Variants in PCNT observed in about 807,000 individuals in gnomAD.
PCNT encodes the protein pericentrin.
Under a neutral mutation model 380.4 loss-of-function variants are expected in PCNT, and 319 were observed. That is an observed-to-expected ratio of 0.84 (90% CI 0.77 to 0.92). The LOEUF is 0.92. PCNT is among the 40% of genes least tolerant of loss of function. The pLI, the probability that PCNT is intolerant of heterozygous loss-of-function variation, is 0.00. For missense variants in PCNT, 4,400 were observed against 4,255.3 expected, an observed-to-expected ratio of 1.03 and a Z score of -0.95; for synonymous variants, 1,845 against 1,735.2, an observed-to-expected ratio of 1.06 and a Z score of -1.57.
intron 37 of PCNT, chr21:46,431,242 G>A (rs897537864): frequency 1.6e-5 from 20 of 1,283,184 alleles, no homozygotes; most frequent in Admixed American, 7.1e-5. Flanking sequence ...GAGAGGGGGC[G>A]GGCAGGGGAC....
At chr21:46,419,429 G>A (rs2087155474) in intron 31 of PCNT, among the ~76,000 whole-genome samples, 1 of 152,210 alleles carries the variant, frequency 6.6e-6, no homozygotes, top group Non-Finnish European at 1.5e-5. Context: ...TCTATTTGCT[G>A]TTTAAAGTGG....
At chr21:46,358,856 G>A (rs571495441) in intron 13 of PCNT, among the ~76,000 whole-genome samples, 3 of 150,096 alleles carry the variant, frequency 2.0e-5, no homozygotes, top group South Asian at 2.1e-4. Flanking sequence ...GCTGGAGCGC[G>A]GTGGCGCAAT....
At chr21:46,351,322 CT>C in intron 8 of PCNT, 106 bp from the exon 9 acceptor site, 1 of 769,304 alleles carries the variant, frequency 1.3e-6, no homozygotes. Flanking sequence ...GGGATGTGAG[CT>C]TTTACCCTTA....
rs113445591 is a variant in PCNT at position 46,418,411 on chromosome 21, C to T, written c.7024+105C>T. 1.2e-4 allele frequency: 90 copies of T among 753,642 alleles called. No individual in the cohort carries two copies. The African/African-American group carries it at 1.2e-3, about 10-fold the overall frequency. The allele number at this position is 753,642 out of a possible 1,614,324, so 46.7% of individuals were successfully genotyped here. On this transcript the variant is annotated intron_variant, in intron 31 of 46. Transcript: ENST00000359568. ...CTTTGCCTGGTTCTGCGTCTGCCCC[C>T]CGCTGACCTCCACCCCGGCTCTGCG...
At chr21:46,432,688 GATCTC>G (rs2087819543) in intron 38 of PCNT, among the ~76,000 whole-genome samples, 1 of 152,192 alleles carries the variant, frequency 6.6e-6, no homozygotes, top group Non-Finnish European at 1.5e-5. Flanking sequence ...GCAGTGATGT[GATCTC>G]AGCTCACTGC....
intron 28 of PCNT, 150 bp from the exon 29 acceptor site, chr21:46,412,687 G>A: frequency 1.2e-6 from 1 of 855,648 alleles, no homozygotes; most frequent in Non-Finnish European, 2.0e-6. Flanking sequence ...GGCCTGCTGT[G>A]GACCAAGGTG....
In PCNT at chr21:46,411,474, G is replaced by A. The variant is rs776464612; in HGVS notation, c.5401G>A (p.Ala1801Thr). Residue 1801 changes from alanine to threonine, a missense_variant, in exon 28 of 47, where the codon GCC (alanine) becomes ACC (threonine). Transcript: ENST00000359568. ...ELEAALEAKE[A>T]LSRLLADQER... ...CGAGGCTGCGCTGGAAGCCAAGGAG[G>A]CCCTGAGCCGGCTGCTGGCTGACCA... 4.3e-6 allele frequency: 7 copies of A among 1,609,658 alleles called. No homozygotes were observed. The African/African-American group carries it at 8.0e-5, about 18-fold the overall frequency.
In PCNT at chr21:46,333,874, G is replaced by T. The variant is rs912015074; in HGVS notation, c.268-523G>T. 2.6e-5 allele frequency among the ~76,000 whole-genome samples: 4 copies of T among 151,154 alleles called. No homozygotes were observed. In the East Asian group the frequency reaches 7.8e-4, roughly 30 times the overall value. ...AAAAGTAGAATTCATTAAGAAGAGG[G>T]GCAGGAACATCATTAGGGAAATTAC... On this transcript the variant is annotated intron_variant, in intron 2 of 46. Coordinates refer to ENST00000359568, the MANE Select transcript of PCNT (RefSeq NM_006031.6).
chr21:46,342,600 G>A (rs2083941613), intron 3 of PCNT, among the ~76,000 whole-genome samples: 1 of 151,332 alleles, frequency 6.6e-6, no homozygotes, highest in Admixed American at 6.6e-5. Flanking sequence ...GAATGCAATG[G>A]CATGATCTCG....
chr21:46,442,938 C>T lies in PCNT; in HGVS notation c.9700+365C>T, dbSNP rs148948150. 8.8e-5 allele frequency: 29 copies of T among 328,662 alleles called. No individual in the cohort carries two copies. The East Asian group carries it at 2.3e-3, about 26-fold the overall frequency. The allele number at this position is 328,662 out of a possible 1,614,324, so 20.4% of individuals were successfully genotyped here. ...ATCATGCTTATTTCTGGCTCACTCA[C>T]ATCTTTGTCTCGGGAGTTCTCTGCC... On this transcript the variant is annotated intron_variant, in intron 44 of 46. Coordinates refer to ENST00000359568, the MANE Select transcript of PCNT (RefSeq NM_006031.6).
chr21:46,386,297 A>G (rs1569234879), intron 17 of PCNT, among the ~76,000 whole-genome samples: 1 of 151,906 alleles, frequency 6.6e-6, no homozygotes, highest in Non-Finnish European at 1.5e-5. Flanking sequence ...CCTCCCCTTT[A>G]GTGTCTGCGT....
chr21:46,324,917 C>T (rs1457345878), intron 1 of PCNT: 1 of 985,356 alleles, frequency 1.0e-6, no homozygotes, highest in African/African-American at 1.7e-5. Context: ...GTGAAAGGCC[C>T]CCGCGGCGCT....
rs1423877816 is a variant in PCNT, at chr21:46,353,258, C to T, written c.1611C>T (p.Asp537=). ...ATGCTGAGAAAACTTACCAAGAAGACCTAACCCTGTTACAGCAGAGGCTGC... is the reference window on the plus strand; with the variant it reads ...ATGCTGAGAAAACTTACCAAGAAGATCTAACCCTGTTACAGCAGAGGCTGC... ...LRDAEKTYQE[D]LTLLQQRLQG... is the part of the protein sequence containing the mutation. Residue 537 remains aspartate (D), a synonymous_variant, in exon 10 of 47, where the codon GAC becomes GAT. Coordinates refer to ENST00000359568, the MANE Select transcript of PCNT (RefSeq NM_006031.6). 1 of 1,614,134 alleles carries T rather than the reference C, an allele frequency of 6.2e-7. No homozygotes were observed. The highest frequency in any genetic ancestry group is 8.5e-7 in the Non-Finnish European group (1 of 1,180,018).
At position 46,391,470 on chromosome 21, in the gene PCNT, T is replaced by C. The variant is rs1431364078; in HGVS notation, c.4216+94T>C. The C allele has an allele frequency of 4.8e-6, 5 of 1,049,944 alleles. No individual in the cohort carries two copies. The African/African-American group carries it at 7.9e-5, about 17-fold the overall frequency. 65.0% of individuals were successfully genotyped at this position (1,049,944 alleles called of 1,614,324 possible). ...AGCTCCCAAGGACACTCAGTGTCTC[T>C]AGAGGGTCAAGTGTAAACCAGCACG... On this transcript the variant is annotated intron_variant, in intron 21 of 46. Coordinates refer to ENST00000359568, the MANE Select transcript of PCNT (RefSeq NM_006031.6).
intron 2 of PCNT, among the ~76,000 whole-genome samples, chr21:46,332,112 A>G (rs1473246947): frequency 1.3e-5 from 2 of 152,196 alleles, no homozygotes; most frequent in Non-Finnish European, 2.9e-5. Context: ...CTGAGCCGAG[A>G]TCGCGCCATT....
At chr21:46,417,468 A>G (rs977429678) in intron 30 of PCNT, among the ~76,000 whole-genome samples, 1 of 152,026 alleles carries the variant, frequency 6.6e-6, no homozygotes, top group Admixed American at 6.6e-5. Flanking sequence ...CTGGGCTTAC[A>G]GGCGTGAGCC....
At chr21:46,351,723 C>T (rs1440231965) in intron 9 of PCNT, among the ~76,000 whole-genome samples, 183 bp downstream of exon 9, 1 of 152,174 alleles carries the variant, frequency 6.6e-6, no homozygotes, top group African/African-American at 2.4e-5. Context: ...GGGAGAGAGC[C>T]CTGGTTTTAT....
At chr21:46,407,310 T>C (rs1343537050) in intron 27 of PCNT, among the ~76,000 whole-genome samples, 1 of 151,892 alleles carries the variant, frequency 6.6e-6, no homozygotes, top group African/African-American at 2.4e-5. Flanking sequence ...AATTGTCAAA[T>C]TTCTTTGCAT....
intron 32 of PCNT, among the ~76,000 whole-genome samples, chr21:46,423,852 G>A (rs989116921): frequency 3.3e-5 from 5 of 150,330 alleles, no homozygotes; most frequent in Non-Finnish European, 7.4e-5. Flanking sequence ...AGGGGAGGAG[G>A]AGGAAGAGGA....
Sources: gnomAD v4.1 joint callset for allele counts (sites outside exome capture counted in the v4.1 genomes callset) on GRCh38, gnomAD v4.1.1 for gene constraint, MANE v1.5 for transcripts, NCBI Gene and HGNC (gene_info 2026-07-23, HGNC 2026-07-21) for gene names.